Variants in NT5C2 observed in about 807,000 individuals in gnomAD.
The protein encoded by NT5C2 is cytosolic purine 5'-nucleotidase.
Under a neutral mutation model 76.1 loss-of-function variants are expected in NT5C2, and 58 were observed. That is an observed-to-expected ratio of 0.76 (90% confidence interval 0.62 to 0.95). The LOEUF (loss-of-function observed/expected upper bound fraction) is 0.95, where lower values mean the gene tolerates loss of function less well. Ranked by LOEUF, NT5C2 falls within the 40% of genes least tolerant of loss-of-function variation. The pLI, the probability that NT5C2 is intolerant of heterozygous loss-of-function variation, is 0.00. For synonymous variants in NT5C2, 229 were observed against 237.4 expected, an observed-to-expected ratio of 0.96 and a Z score of 0.32; for missense variants, 478 against 690.3, an observed-to-expected ratio of 0.69 and a Z score of 3.45.
At chr10:103,124,267 C>T (rs187275377) in intron 4 of NT5C2, among the ~76,000 whole-genome samples, 1 of 152,076 alleles carries the variant, frequency 6.6e-6, no homozygotes, top group East Asian at 1.9e-4. Context: ...TTTCCTTCAG[C>T]ACACTGGTAA....
intron 2 of NT5C2, among the ~76,000 whole-genome samples, chr10:103,178,235 G>GT (rs1438555408): frequency 1.3e-5 from 2 of 152,126 alleles, no homozygotes; most frequent in Non-Finnish European, 2.9e-5. Context: ...AGACCTAAAC[G>GT]TAATATCTAA....
chr10:103,188,048 C>G (rs1030700382), intron 1 of NT5C2, among the ~76,000 whole-genome samples: 1 of 152,100 alleles, frequency 6.6e-6, no homozygotes, highest in African/African-American at 2.4e-5. Flanking sequence ...AACACAAATA[C>G]TAGCTGATCA....
intron 3 of NT5C2, among the ~76,000 whole-genome samples, chr10:103,171,773 T>C (rs546468433): frequency 6.6e-6 from 1 of 152,300 alleles, no homozygotes; most frequent in African/African-American, 2.4e-5. Flanking sequence ...GAAAATACAA[T>C]TTAGGCCGGG....
chr10:103,117,927 GAAC>G (rs1176534080), intron 4 of NT5C2, among the ~76,000 whole-genome samples: 2 of 151,940 alleles, frequency 1.3e-5, no homozygotes, highest in Non-Finnish European at 2.9e-5. Flanking sequence ...TGACTATGTA[GAAC>G]AATAAAGCAG....
intron 4 of NT5C2, among the ~76,000 whole-genome samples, chr10:103,123,711 G>A (rs971592586): frequency 1.3e-5 from 2 of 152,164 alleles, no homozygotes; most frequent in African/African-American, 4.8e-5. Flanking sequence ...ACAGAAATAA[G>A]GAGCTTATTG....
chr10:103,144,945 CCAATT>C (rs1248316015), intron 3 of NT5C2, among the ~76,000 whole-genome samples: 1 of 152,296 alleles, frequency 6.6e-6, no homozygotes, highest in East Asian at 1.9e-4. Flanking sequence ...CTGTCTCCCC[CCAATT>C]CATTTCTATT....
rs753584347 is a variant in NT5C2, at chr10:103,122,099, GGGA to G, written c.176-15396_176-15394del. 3.9e-5 allele frequency among the ~76,000 whole-genome samples: 6 copies of G among 152,122 alleles called. No individual in the cohort carries two copies. In the East Asian group the frequency reaches 5.8e-4, roughly 15 times the overall value. On this transcript the variant is annotated intron_variant, in intron 4 of 18. Coordinates refer to ENST00000404739, the MANE Select transcript of NT5C2 (RefSeq NM_001351169.2). Reference sequence around the variant, plus strand: ...TGAGGCGCCAGAATCGCTTGAATCCGGGAGGAGGGGGTTGTAGTGAGCCGAGAT... The same window carrying G: ...TGAGGCGCCAGAATCGCTTGAATCCGGGAGGGGGTTGTAGTGAGCCGAGAT...
In NT5C2 at chr10:103,090,543, C is replaced by T. The variant is rs904940468; in HGVS notation, c.1449+68G>A. On this transcript the variant is annotated intron_variant, in intron 18 of 18. Transcript: ENST00000404739. ...ATGTTCAAACTATCTCCTGTGCCATCTCACAAAGGTGGTTGCTGACCCTGG... is the reference window on the plus strand; with the variant it reads ...ATGTTCAAACTATCTCCTGTGCCATTTCACAAAGGTGGTTGCTGACCCTGG... 1.1e-5 allele frequency: 15 copies of T among 1,398,250 alleles called. No homozygotes were observed. The African/African-American group carries it at 1.7e-4, about 16-fold the overall frequency. 86.6% of individuals were successfully genotyped at this position (1,398,250 alleles called of 1,614,324 possible). A position where few individuals can be genotyped will look rare whatever the true frequency, so the allele number is the denominator to read the frequency against.
At chr10:103,125,296 TAA>T (rs368951789) in intron 4 of NT5C2, 11,454 of 434,392 alleles carry the variant, frequency 0.026, no homozygotes, top group South Asian at 0.038. Flanking sequence ...TTGTCACAGT[TAA>T]AAAAAAAAAA....
At chr10:103,161,087 G>A (rs577148622) in intron 3 of NT5C2, among the ~76,000 whole-genome samples, 1 of 152,304 alleles carries the variant, frequency 6.6e-6, no homozygotes, top group East Asian at 1.9e-4. Flanking sequence ...GTAAAATGAT[G>A]CATCTGCACT....
intron 3 of NT5C2, among the ~76,000 whole-genome samples, chr10:103,172,454 A>T (rs1454933477): frequency 1.3e-5 from 2 of 151,572 alleles, no homozygotes; most frequent in East Asian, 4.1e-4. Context: ...TCACTGTGTT[A>T]GCCAGGAAGG....
chr10:103,160,651 C>T (rs1032592180), intron 3 of NT5C2, among the ~76,000 whole-genome samples: 2 of 152,170 alleles, frequency 1.3e-5, no homozygotes, highest in Non-Finnish European at 2.9e-5. Flanking sequence ...ACACGCTTAC[C>T]ATTACTGGTC....
intron 15 of NT5C2, among the ~76,000 whole-genome samples, chr10:103,092,307 GTAA>G (rs1240288840): frequency 6.6e-6 from 1 of 152,298 alleles, no homozygotes; most frequent in African/African-American, 2.4e-5. Context: ...TAAAATAATA[GTAA>G]TAATTTTCTG....
At chr10:103,132,347 G>A (rs1468575049) in intron 4 of NT5C2, among the ~76,000 whole-genome samples, 2 of 152,060 alleles carry the variant, frequency 1.3e-5, no homozygotes, top group Non-Finnish European at 2.9e-5. Context: ...TGCGATTCGG[G>A]ACTGGATCCT....
intron 3 of NT5C2, chr10:103,153,172 A>T (rs935483932): frequency 1.7e-6 from 1 of 588,008 alleles, no homozygotes; most frequent in African/African-American, 2.0e-5. Flanking sequence ...AATTTCTTTC[A>T]ATCTCTGCCT....
At chr10:103,137,827 G>T (rs2079581753) in intron 4 of NT5C2, among the ~76,000 whole-genome samples, 1 of 152,122 alleles carries the variant, frequency 6.6e-6, no homozygotes, top group Non-Finnish European at 1.5e-5. Context: ...TTAATACATT[G>T]ACTCTTTCAA....
chr10:103,098,919 T>C lies in NT5C2; in HGVS notation c.687+12A>G, dbSNP rs2068856597. 1.3e-6 allele frequency: 2 copies of C among 1,576,878 alleles called. No homozygotes were observed. The highest frequency in any genetic ancestry group is 1.7e-5 in the Admixed American group (1 of 59,068). ...GCTATTATGCAGATCTATTTTCCCC[T>C]ATATTACTTACATCTTTGACTACAT... On this transcript the variant is annotated intron_variant, in intron 10 of 18. Transcript: ENST00000404739.
At chr10:103,124,999 TA>T (rs1156713284) in intron 4 of NT5C2, 2 of 167,884 alleles carry the variant, frequency 1.2e-5, no homozygotes, top group Non-Finnish European at 2.6e-5. Context: ...ATTTTATTTG[TA>T]AATATGTATT....
At chr10:103,092,366 CTT>C (rs1250679240) in intron 15 of NT5C2, among the ~76,000 whole-genome samples, 1 of 152,334 alleles carries the variant, frequency 6.6e-6, no homozygotes, top group African/African-American at 2.4e-5. Context: ...TCATGTCTAT[CTT>C]TATACACATA....
Sources: gnomAD v4.1 joint callset for allele counts (sites outside exome capture counted in the v4.1 genomes callset) on GRCh38, gnomAD v4.1.1 for gene constraint, MANE v1.5 for transcripts, NCBI Gene and HGNC (gene_info 2026-07-23, HGNC 2026-07-21) for gene names.